EXOC4: variants seen among roughly 807,000 people sequenced by gnomAD.
EXOC4 encodes SEC8-like 1.
Under a neutral mutation model 107.2 loss-of-function variants are expected in EXOC4, and 71 were observed. The observed-to-expected ratio is 0.66, with a 90% CI of 0.55 to 0.81. EXOC4 has a LOEUF of 0.81. Ranked by LOEUF, EXOC4 falls within the 30% of genes least tolerant of loss-of-function variation. The probability of loss-of-function intolerance (pLI) is 0.00; values close to 1 mark genes in which losing one functional copy is unlikely to be tolerated. For synonymous variants in EXOC4, 456 were observed against 441.2 expected, an observed-to-expected ratio of 1.03 and a Z score of -0.42; for missense variants, 1,108 against 1,189.6, an observed-to-expected ratio of 0.93 and a Z score of 1.01.
intron 17 of EXOC4, among the ~76,000 whole-genome samples, chr7:134,042,477 GAAAAAA>G (rs35579992): frequency 2.5e-4 from 36 of 145,320 alleles, no homozygotes; most frequent in Middle Eastern, 3.5e-3. Flanking sequence ...AGCATGCTAG[GAAAAAA>G]AAAAAAAGGA....
intron 14 of EXOC4, among the ~76,000 whole-genome samples, chr7:133,995,557 C>T (rs1332552199): frequency 1.3e-5 from 2 of 152,140 alleles, no homozygotes; most frequent in Non-Finnish European, 2.9e-5. Flanking sequence ...ATGATTAATG[C>T]TAACGTTAGA....
intron 7 of EXOC4, among the ~76,000 whole-genome samples, chr7:133,424,512 C>G (rs913910729): frequency 2.0e-5 from 3 of 151,970 alleles, no homozygotes; most frequent in Non-Finnish European, 2.9e-5. Context: ...TAACACTCAC[C>G]GTGAGGGTCC....
At chr7:133,365,191 A>T (rs1796225743) in intron 6 of EXOC4, among the ~76,000 whole-genome samples, 1 of 152,324 alleles carries the variant, frequency 6.6e-6, no homozygotes, top group South Asian at 2.1e-4. Context: ...TACTAGGAAC[A>T]ATATAGTACT....
At chr7:133,803,989 A>T (rs1273838320) in intron 10 of EXOC4, among the ~76,000 whole-genome samples, 1 of 152,162 alleles carries the variant, frequency 6.6e-6, no homozygotes, top group African/African-American at 2.4e-5. Context: ...TGTGAATTTG[A>T]TGTTACTCCA....
At chr7:134,085,332 C>CAAA in the EXOC4 span, among the ~76,000 whole-genome samples, 1 of 144,800 alleles carries the variant, frequency 6.9e-6, no homozygotes, top group African/African-American at 2.5e-5. Context: ...ACAAAAACAA[C>CAAA]AAAAAAAAAA....
chr7:133,377,189 TA>T (rs1796508867), intron 7 of EXOC4, among the ~76,000 whole-genome samples: 1 of 151,904 alleles, frequency 6.6e-6, no homozygotes, highest in South Asian at 2.1e-4. Context: ...CTGTCTCTAC[TA>T]AAAATACAAA....
intron 7 of EXOC4, among the ~76,000 whole-genome samples, chr7:133,460,911 G>A (rs935868463): frequency 1.3e-5 from 2 of 152,108 alleles, no homozygotes; most frequent in Admixed American, 6.6e-5. Context: ...TGCTCAAGTC[G>A]TGTTGGGAGG....
intron 1 of EXOC4, among the ~76,000 whole-genome samples, chr7:133,258,609 C>T (rs1385981382): frequency 6.6e-6 from 1 of 152,150 alleles, no homozygotes; most frequent in Non-Finnish European, 1.5e-5. Context: ...TTCATTTCCT[C>T]CTTTCTAGGA....
At chr7:133,918,174 G>A (rs1004582640) in intron 13 of EXOC4, among the ~76,000 whole-genome samples, 5 of 151,874 alleles carry the variant, frequency 3.3e-5, no homozygotes, top group Non-Finnish European at 5.9e-5. Flanking sequence ...TAGAGACGGG[G>A]TTTCACAGTG....
chr7:133,398,665 G>A (rs551956424), intron 7 of EXOC4, among the ~76,000 whole-genome samples: 137 of 152,174 alleles, frequency 9.0e-4, no homozygotes, highest in Non-Finnish European at 1.4e-3. Flanking sequence ...GCTAAAAGCA[G>A]AACAAGACAT....
At chr7:133,887,385 G>C (rs1262016717) in intron 11 of EXOC4, among the ~76,000 whole-genome samples, 4 of 152,156 alleles carry the variant, frequency 2.6e-5, no homozygotes, top group Non-Finnish European at 5.9e-5. Flanking sequence ...AAACAACTGA[G>C]GGAAGGGAAG....
intron 17 of EXOC4, among the ~76,000 whole-genome samples, chr7:134,056,079 C>T (rs1795914462): frequency 1.3e-5 from 2 of 152,152 alleles, no homozygotes; most frequent in Non-Finnish European, 2.9e-5. Flanking sequence ...AGATAATATA[C>T]ACTACAAGAG....
intron 7 of EXOC4, among the ~76,000 whole-genome samples, chr7:133,409,399 C>T (rs1797305147): frequency 6.6e-6 from 1 of 152,170 alleles, no homozygotes; most frequent in Non-Finnish European, 1.5e-5. Flanking sequence ...CCACCTCCAC[C>T]CTCCATCTTC....
intron 10 of EXOC4, among the ~76,000 whole-genome samples, chr7:133,677,294 C>G (rs1372681076): frequency 6.6e-6 from 1 of 152,088 alleles, no homozygotes; most frequent in Non-Finnish European, 1.5e-5. Context: ...CATAAGCCTT[C>G]TACCAAATCC....
intron 7 of EXOC4, among the ~76,000 whole-genome samples, chr7:133,470,028 A>G (rs1411213534): frequency 1.3e-5 from 2 of 152,212 alleles, no homozygotes; most frequent in African/African-American, 4.8e-5. Context: ...ATCACAGGTT[A>G]TAAGCATGGC....
At chr7:133,291,413 ACT>A (rs371090538) in intron 3 of EXOC4, among the ~76,000 whole-genome samples, 6 of 139,986 alleles carry the variant, frequency 4.3e-5, no homozygotes, top group East Asian at 4.1e-4. Context: ...AGACAGGCTC[ACT>A]CTGTTTTCCA....
intron 10 of EXOC4, among the ~76,000 whole-genome samples, chr7:133,798,921 C>T (rs1024317879): frequency 1.3e-5 from 2 of 152,124 alleles, no homozygotes; most frequent in East Asian, 1.9e-4. Context: ...TCATTGTGTT[C>T]CTTGGACTAT....
intron 10 of EXOC4, among the ~76,000 whole-genome samples, chr7:133,813,089 A>G (rs73155104): frequency 0.1 from 15,334 of 152,180 alleles, 882 homozygotes; most frequent in Middle Eastern, 0.14. Context: ...AGGGCTGACA[A>G]CGTCAACCTG....
At chr7:134,020,142 C>A (rs373821583) in intron 17 of EXOC4, among the ~76,000 whole-genome samples, 4 of 152,202 alleles carry the variant, frequency 2.6e-5, no homozygotes, top group African/African-American at 9.6e-5. Context: ...GCTTTTAAGA[C>A]AATAAGCAGC....
Sources: allele counts gnomAD v4.1 joint callset (sites outside exome capture counted in the v4.1 genomes callset), GRCh38; gene constraint gnomAD v4.1.1; transcripts MANE v1.5; gene names NCBI Gene and HGNC (gene_info 2026-07-23, HGNC 2026-07-21).